PCNP: variants seen among roughly 807,000 people sequenced by gnomAD.
PCNP encodes the protein PEST proteolytic signal containing nuclear protein.
PCNP carries 6 observed loss-of-function variants against 21.8 expected under a neutral mutation model. The observed-to-expected ratio is 0.28, with a 90% CI of 0.15 to 0.54. The LOEUF is 0.54. PCNP is among the 20% of genes least tolerant of loss of function. The probability of loss-of-function intolerance (pLI) is 0.95; values close to 1 mark genes in which losing one functional copy is unlikely to be tolerated. For synonymous variants in PCNP, 67 were observed against 73.2 expected, an observed-to-expected ratio of 0.92 and a Z score of 0.43; for missense variants, 161 against 215.5, an observed-to-expected ratio of 0.75 and a Z score of 1.58.
At chr3:101,590,101 A>C (rs1935729044) in intron 3 of PCNP, 114 bp from the exon 4 acceptor site, 1 of 665,546 alleles carries the variant, frequency 1.5e-6, no homozygotes, top group South Asian at 1.8e-5. Context: ...CTTTTACCAA[A>C]ATTTACAGTA....
intron 1 of PCNP, among the ~76,000 whole-genome samples, chr3:101,579,169 G>GTT (rs1935096436): frequency 6.6e-6 from 1 of 151,796 alleles, no homozygotes; most frequent in African/African-American, 2.4e-5. Flanking sequence ...GCTTAAAACA[G>GTT]GTAATAACCA....
Position 101,585,496 on chromosome 3 carries a change from T to G in PCNP, c.339T>G (p.Phe113Leu). ...AAACTCTTTCAGTAGCAGCAGCTTT[T>G]AATGAAGATGAAGATGTAAGTTGAT... ...APKTLSVAAAFNEDEDSEPEE... is the reference protein window; with the variant it reads ...APKTLSVAAALNEDEDSEPEE... Residue 113 changes from phenylalanine to leucine, a missense_variant, in exon 3 of 5, where the codon TTT becomes TTG. Physicochemically the swap from Phe to Leu is conservative, Grantham distance 22 (BLOSUM62 0). This residue lies in a region of PCNP where 66 missense variants were observed against 127.8 expected (regional missense o/e 0.52). Transcript: ENST00000265260. 6.2e-7 allele frequency: 1 copy of G among 1,606,190 alleles called. No homozygotes were observed. The highest frequency in any genetic ancestry group is 8.5e-7 in the Non-Finnish European group (1 of 1,175,042).
chr3:101,586,843 C>T (rs1271426604), intron 3 of PCNP, among the ~76,000 whole-genome samples: 1 of 152,142 alleles, frequency 6.6e-6, no homozygotes, highest in Non-Finnish European at 1.5e-5. Context: ...TGAGCCACCA[C>T]ACAGCCATAT....
At chr3:101,588,432 CTATAA>C (rs965561098) in intron 3 of PCNP, among the ~76,000 whole-genome samples, 14 of 152,086 alleles carry the variant, frequency 9.2e-5, no homozygotes, top group South Asian at 4.2e-4. Context: ...ATTCTTTCTC[CTATAA>C]TATAACAGTA....
In PCNP at chr3:101,579,921, A is replaced by T. The variant is rs369274549; in HGVS notation, c.196A>T (p.Thr66Ser). The T allele has an allele frequency of 1.9e-5, 31 of 1,614,108 alleles. No homozygotes were observed. The South Asian group carries it at 2.4e-4, about 13-fold the overall frequency. The change falls in exon 2 of 5, where the codon ACA becomes TCA. Residue 66 changes from threonine (T) to serine (S), a missense_variant. By Grantham distance (58) the Thr-to-Ser change is moderately conservative (BLOSUM62 1). Coordinates refer to ENST00000265260, the MANE Select transcript of PCNP (RefSeq NM_020357.3). The stretch of plus-strand genomic sequence containing the variant: ...AGCTGCCGACCTCCCAACAAAGCCT[A>T]CAAAGATCTCCAAGTTTGGATTTGC... ...EEAADLPTKP[T>S]KISKFGFAIG... is the part of the protein sequence containing the mutation.
chr3:101,582,841 A>G (rs1935296682), intron 2 of PCNP, among the ~76,000 whole-genome samples: 1 of 152,244 alleles, frequency 6.6e-6, no homozygotes, highest in Non-Finnish European at 1.5e-5. Flanking sequence ...GAAGCCATAT[A>G]GTACATTGAG....
At chr3:101,574,655 C>T (rs1369240668) in intron 1 of PCNP, among the ~76,000 whole-genome samples, 3 of 152,348 alleles carry the variant, frequency 2.0e-5, no homozygotes, top group South Asian at 2.1e-4. Flanking sequence ...CGGAGACGCT[C>T]ATGAGACATA....
chr3:101,578,930 G>A (rs1028588096), intron 1 of PCNP, among the ~76,000 whole-genome samples: 4 of 152,042 alleles, frequency 2.6e-5, no homozygotes, highest in Non-Finnish European at 4.4e-5. Flanking sequence ...CTGTCTTACC[G>A]CCTGATATGT....
chr3:101,584,456 A>C (rs1935386807), intron 2 of PCNP, among the ~76,000 whole-genome samples: 1 of 152,194 alleles, frequency 6.6e-6, no homozygotes, highest in South Asian at 2.1e-4. Context: ...TATATCTTCT[A>C]AATGGGGAGT....
chr3:101,582,497 G>C (rs1419933795), intron 2 of PCNP, among the ~76,000 whole-genome samples: 1 of 152,020 alleles, frequency 6.6e-6, no homozygotes, highest in Non-Finnish European at 1.5e-5. Flanking sequence ...GGGAGGGTGA[G>C]GTGTAGGATA....
Position 101,593,527 on chromosome 3 carries a change from G to A in PCNP, c.*774G>A, listed in dbSNP as rs927612177. ...TTTCCACCAGAACTTGAGGCAAATC[G>A]TAAGGAAGCTGTTTCTTTTAAAACA... On this transcript the variant is annotated 3_prime_UTR_variant, in exon 5 of 5. Coordinates refer to ENST00000265260, the MANE Select transcript of PCNP (RefSeq NM_020357.3). 4 of 152,470 alleles carry A rather than the reference G, an allele frequency of 2.6e-5. No individual in the cohort carries two copies. Among genetic ancestry groups the A allele is most frequent in the Non-Finnish European group, 4.4e-5 (3 of 68,002 alleles). 9.4% of individuals were successfully genotyped at this position (152,470 alleles called of 1,614,324 possible).
chr3:101,585,311 G>T, intron 2 of PCNP, 126 bp from the exon 3 acceptor site: 1 of 602,848 alleles, frequency 1.7e-6, no homozygotes, highest in Non-Finnish European at 2.8e-6. Flanking sequence ...AAAGTATTGG[G>T]TTCGTTACTA....
chr3:101,587,670 C>T (rs1935603784), intron 3 of PCNP, among the ~76,000 whole-genome samples: 1 of 150,908 alleles, frequency 6.6e-6, no homozygotes, highest in African/African-American at 2.4e-5. Context: ...GACCACTGGA[C>T]TGGCAGTTGG....
chr3:101,584,857 C>A (rs921794897), intron 2 of PCNP, among the ~76,000 whole-genome samples: 2 of 152,168 alleles, frequency 1.3e-5, no homozygotes, highest in Non-Finnish European at 2.9e-5. Context: ...AAAATAAATT[C>A]TCTGGGCATG....
At chr3:101,576,818 C>G (rs1934932323) in intron 1 of PCNP, 1 of 1,609,754 alleles carries the variant, frequency 6.2e-7, no homozygotes. Context: ...TTCCTCAACA[C>G]CACATGAGCA....
intron 3 of PCNP, among the ~76,000 whole-genome samples, chr3:101,588,671 T>A (rs1479141773): frequency 6.6e-6 from 1 of 152,248 alleles, no homozygotes; most frequent in Admixed American, 6.5e-5. Flanking sequence ...TTCCTTAGTC[T>A]TTGTGTATAT....
At chr3:101,588,160 ACTCGGG>A (rs1434401941) in intron 3 of PCNP, among the ~76,000 whole-genome samples, 1 of 152,212 alleles carries the variant, frequency 6.6e-6, no homozygotes, top group Non-Finnish European at 1.5e-5. Context: ...AATCCCGGCT[ACTCGGG>A]AGGCTGAGGC....
intron 4 of PCNP, among the ~76,000 whole-genome samples, chr3:101,590,993 G>A (rs566492138): frequency 6.6e-6 from 1 of 151,738 alleles, no homozygotes; most frequent in South Asian, 2.1e-4. Flanking sequence ...TGCCCAGGCT[G>A]GTCTCAAACT....
At chr3:101,577,916 C>G (rs1049025631) in intron 1 of PCNP, among the ~76,000 whole-genome samples, 1 of 152,154 alleles carries the variant, frequency 6.6e-6, no homozygotes, top group African/African-American at 2.4e-5. Context: ...ATGCTAGTAC[C>G]ATGTGTATTT....
Sources: allele counts gnomAD v4.1 joint callset (sites outside exome capture counted in the v4.1 genomes callset), GRCh38; gene constraint gnomAD v4.1.1; regional missense constraint gnomAD v4.1.1; transcripts MANE v1.5; gene names NCBI Gene and HGNC (gene_info 2026-07-23, HGNC 2026-07-21).